NOL8: variants seen among roughly 807,000 people sequenced by gnomAD.
The protein encoded by NOL8 is nucleolar protein Nop132.
Under a neutral mutation model 116.1 loss-of-function variants are expected in NOL8, and 93 were observed. The observed-to-expected ratio is 0.80, with a 90% CI of 0.68 to 0.95. The LOEUF (loss-of-function observed/expected upper bound fraction) is 0.95. Ranked by LOEUF, NOL8 falls within the 40% of genes least tolerant of loss-of-function variation. NOL8 has a pLI of 0.00. For missense variants in NOL8, 1,291 were observed against 1,382.8 expected, an observed-to-expected ratio of 0.93 and a Z score of 1.05; for synonymous variants, 419 against 469.0, an observed-to-expected ratio of 0.89 and a Z score of 1.38.
rs78794582 is a variant in NOL8, at chr9:92,325,223, T to C, written c.-49+83A>G. The C allele has an allele frequency of 8.4e-3, 1,286 of 152,364 alleles. 14 individuals carry two copies. The highest frequency in any genetic ancestry group is 9.7e-3 in the Non-Finnish European group (661 of 68,134). 9.4% of individuals were successfully genotyped at this position (152,364 alleles called of 1,614,324 possible). ...GCCCCCAGCCTACCCACGGCAGCCT[T>C]CTTTCTCTGAGAAGACCCAAAGAAG... On this transcript the variant is annotated intron_variant, in intron 1 of 16. Coordinates refer to ENST00000442668, the MANE Select transcript of NOL8 (RefSeq NM_017948.6).
At chr9:92,311,557 T>TG (rs1838796322) in intron 7 of NOL8, among the ~76,000 whole-genome samples, 1 of 152,088 alleles carries the variant, frequency 6.6e-6, no homozygotes, top group Non-Finnish European at 1.5e-5. Flanking sequence ...CAGCAGACAC[T>TG]TCTCAAAAGA....
rs1839374510 is a variant in NOL8 at position 92,316,042 on chromosome 9, AT to A, written c.582del (p.Glu194AspfsTer2). 6.2e-7 allele frequency: 1 copy of A among 1,613,750 alleles called. No homozygotes were observed. Among genetic ancestry groups the A allele is most frequent in the Non-Finnish European group, 8.5e-7 (1 of 1,179,888 alleles). ...NTIPISSLTW[E>X]LEGGNDPMSK... ...CTCATAGGGTCATTCCCTCCTTCTA[AT>A]TCCCAAGTCAGGCTGGATATAGGAA... On this transcript the variant is annotated frameshift_variant, in exon 7 of 17. Coordinates refer to ENST00000442668, the MANE Select transcript of NOL8 (RefSeq NM_017948.6). LOFTEE classifies it high-confidence loss of function.
At chr9:92,306,749 G>T in intron 11 of NOL8, 137 bp downstream of exon 11, 2 of 673,556 alleles carry the variant, frequency 3.0e-6, no homozygotes, top group Non-Finnish European at 2.5e-6. Flanking sequence ...TCAAAGGCAA[G>T]TATATTTTTA....
intron 2 of NOL8, 39 bp downstream of exon 2, chr9:92,323,984 T>C: frequency 6.2e-7 from 1 of 1,603,104 alleles, no homozygotes; most frequent in Non-Finnish European, 8.5e-7. Flanking sequence ...ACCTGAGTTA[T>C]GTCTGCCTAT....
chr9:92,313,482 G>A (rs1839044527), intron 7 of NOL8, among the ~76,000 whole-genome samples: 1 of 152,168 alleles, frequency 6.6e-6, no homozygotes, highest in Non-Finnish European at 1.5e-5. Flanking sequence ...GGTGTAGTTT[G>A]TCAACTCCTG....
chr9:92,319,905 C>T (rs1180931946), intron 4 of NOL8: 3 of 380,720 alleles, frequency 7.9e-6, no homozygotes, highest in Admixed American at 6.4e-5. Context: ...CACTACACTA[C>T]AGTCAGTCTC....
intron 5 of NOL8, 33 bp from the exon 6 acceptor site, chr9:92,318,719 T>A (rs760391527): frequency 7.3e-7 from 1 of 1,363,086 alleles, no homozygotes. Context: ...ATTTACTATA[T>A]GTGACACAAA....
chr9:92,310,164 C>T lies in NOL8; in HGVS notation c.2686+7G>A, dbSNP rs370501344. On this transcript the variant is annotated splice_region_variant and intron_variant, in intron 10 of 16. Transcript: ENST00000442668. ...GACATCAGGACTCTGGACAATGAAG[C>T]ATTTACCTTCCTGTTCCTCTTCACT... 1.9e-5 allele frequency: 30 copies of T among 1,592,136 alleles called. 1 individual carries two copies. Among genetic ancestry groups the T allele is most frequent in the East Asian group, 1.1e-4 (5 of 44,404 alleles).
intron 16 of NOL8, 50 bp downstream of exon 16, chr9:92,298,207 A>T: frequency 7.4e-7 from 1 of 1,346,094 alleles, no homozygotes; most frequent in Non-Finnish European, 1.0e-6. Flanking sequence ...GTAATTCTAG[A>T]TAGGTAACAT....
At chr9:92,298,438 C>A in intron 15 of NOL8, 102 bp from the exon 16 acceptor site, 4 of 654,530 alleles carry the variant, frequency 6.1e-6, no homozygotes, top group Admixed American at 6.7e-5. Flanking sequence ...CAGTTAAGAT[C>A]ATTCTTTTCC....
intron 13 of NOL8, 93 bp from the exon 14 acceptor site, chr9:92,300,109 CAT>C (rs1429082635): frequency 3.4e-6 from 5 of 1,482,700 alleles, no homozygotes; most frequent in Non-Finnish European, 4.5e-6. Flanking sequence ...ACCACGTAGA[CAT>C]ATCTAAAGTT....
intron 7 of NOL8, among the ~76,000 whole-genome samples, 187 bp from the exon 8 acceptor site, chr9:92,311,446 C>T (rs759629261): frequency 2.5e-4 from 38 of 152,126 alleles, no homozygotes; most frequent in Non-Finnish European, 4.9e-4. Context: ...TATTTGCAAA[C>T]TATGCATCTG....
intron 8 of NOL8, 153 bp from the exon 9 acceptor site, chr9:92,310,828 G>T: frequency 1.3e-6 from 1 of 786,430 alleles, no homozygotes; most frequent in Non-Finnish European, 2.0e-6. Context: ...TCCTGACTCA[G>T]TGAAATCTAA....
chr9:92,314,465 G>A lies in NOL8; in HGVS notation c.2160C>T (p.Leu720=). Reference sequence around the variant, plus strand: ...TGGATGAGACCTTTGGTGATTTCTTGAGAGATGTGAGGCCGCTTGAATCAG... The same window carrying A: ...TGGATGAGACCTTTGGTGATTTCTTAAGAGATGTGAGGCCGCTTGAATCAG... The part of the protein sequence containing the change: ...ERSDSSGLTS[L]KKSPKVSSKD... Residue 720 remains leucine (L), a synonymous_variant, in exon 7 of 17, where the codon CTC becomes CTT. Coordinates refer to ENST00000442668, the MANE Select transcript of NOL8 (RefSeq NM_017948.6). The A allele has an allele frequency of 6.2e-7, 1 of 1,612,582 alleles. No individual in the cohort carries two copies. The highest frequency in any genetic ancestry group is 8.5e-7 in the Non-Finnish European group (1 of 1,178,820).
At chr9:92,299,832 T>C in intron 14 of NOL8, 58 bp downstream of exon 14, 4 of 1,551,898 alleles carry the variant, frequency 2.6e-6, no homozygotes, top group Admixed American at 1.8e-5. Flanking sequence ...TTCTAAAGTA[T>C]GTCTAATTCA....
intron 6 of NOL8, among the ~76,000 whole-genome samples, chr9:92,318,057 A>C (rs1839586817): frequency 6.6e-6 from 1 of 150,452 alleles, no homozygotes; most frequent in Admixed American, 6.6e-5. Context: ...AAAAAAAAAA[A>C]AGATTAAAAA....
chr9:92,314,527 T>A lies in NOL8; in HGVS notation c.2098A>T (p.Ser700Cys), dbSNP rs1839176457. Residue 700 changes from serine to cysteine, a missense_variant, in exon 7 of 17, where the codon AGT becomes TGT. Coordinates refer to ENST00000442668, the MANE Select transcript of NOL8 (RefSeq NM_017948.6). ...TGTGAAGCTTCTGTCTTTGTGGTACTATGGCAGCTGTCTTTGTCAAAGCCT... is the reference window on the plus strand; with the variant it reads ...TGTGAAGCTTCTGTCTTTGTGGTACAATGGCAGCTGTCTTTGTCAAAGCCT... ...NIGFDKDSCH[S>C]TTKTEASQEE... The A allele has an allele frequency of 6.2e-7, 1 of 1,613,700 alleles. No individual in the cohort carries two copies. Among genetic ancestry groups the A allele is most frequent in the Non-Finnish European group, 8.5e-7 (1 of 1,179,750 alleles).
At chr9:92,309,791 C>T (rs1198560238) in intron 10 of NOL8, among the ~76,000 whole-genome samples, 1 of 152,174 alleles carries the variant, frequency 6.6e-6, no homozygotes, top group Non-Finnish European at 1.5e-5. Flanking sequence ...CAGGTATGCA[C>T]ACTGGAGGAC....
chr9:92,323,155 G>A, intron 3 of NOL8: 1 of 493,234 alleles, frequency 2.0e-6, no homozygotes, highest in Non-Finnish European at 3.5e-6. Context: ...TATTCAGTGG[G>A]ATATATGTAA....
Sources: allele counts gnomAD v4.1 joint callset (sites outside exome capture counted in the v4.1 genomes callset), GRCh38; gene constraint gnomAD v4.1.1; transcripts MANE v1.5; gene names NCBI Gene and HGNC (gene_info 2026-07-23, HGNC 2026-07-21).